NRAP: variants seen among roughly 807,000 people sequenced by gnomAD.
The protein encoded by NRAP is nebulin-related-anchoring protein.
A neutral mutation model predicts 225.9 loss-of-function variants in NRAP; 189 were observed. That is an observed-to-expected ratio of 0.84 (90% confidence interval 0.74 to 0.94). NRAP has a LOEUF of 0.94. NRAP is among the 40% of genes least tolerant of loss of function. NRAP has a pLI of 0.00. For synonymous variants in NRAP, 769 were observed against 790.7 expected (o/e 0.97, Z 0.46); for missense variants, 2,176 against 2,168.7 (o/e 1.00, Z -0.07).
chr10:113,657,208 A>G (rs1335128396), intron 4 of NRAP, among the ~76,000 whole-genome samples: 1 of 152,104 alleles, frequency 6.6e-6, no homozygotes, highest in Non-Finnish European at 1.5e-5. Flanking sequence ...GTGTCAGAGA[A>G]AGACAGGGTA....
intron 24 of NRAP, among the ~76,000 whole-genome samples, chr10:113,621,172 G>A (rs536961995): frequency 1.3e-5 from 2 of 152,120 alleles, no homozygotes; most frequent in African/African-American, 2.4e-5. Context: ...CCACCTCAGT[G>A]GGGGGGCAGG....
chr10:113,614,811 T>C (rs1309167031), intron 28 of NRAP, 28 bp downstream of exon 28: 1 of 1,351,188 alleles, frequency 7.4e-7, no homozygotes, highest in Admixed American at 1.7e-5. Context: ...TGTTGAACAT[T>C]GTCACAAGAA....
Position 113,606,247 on chromosome 10 carries a change from G to T in NRAP, c.3738C>A (p.His1246Gln), listed in dbSNP as rs79461687. Reference sequence around the variant, plus strand: ...GCAGACCCAGGGTCATTGTATACTCGTGTCTTGCATCCTCTCCAGCTGCTT... The same window carrying T: ...GCAGACCCAGGGTCATTGTATACTCTTGTCTTGCATCCTCTCCAGCTGCTT... Reference protein sequence around the residue: ...LYKAAGEDARHEYTMTLGLPE... With the variant: ...LYKAAGEDARQEYTMTLGLPE... Residue 1246 changes from histidine (H) to glutamine (Q), a missense_variant, in exon 33 of 42, where the codon CAC becomes CAA. By Grantham distance (24) the His-to-Gln change is conservative (BLOSUM62 0). Coordinates refer to ENST00000359988, the MANE Select transcript of NRAP (RefSeq NM_198060.4). 900 of 1,613,964 alleles carry T rather than the reference G, an allele frequency of 5.6e-4. 11 individuals are homozygous for T. The East Asian group carries it at 0.018, about 32-fold the overall frequency.
At chr10:113,634,352 G>A (rs1848742698) in intron 14 of NRAP, 142 bp from the exon 15 acceptor site, 1 of 637,464 alleles carries the variant, frequency 1.6e-6, no homozygotes, top group African/African-American at 1.8e-5. Flanking sequence ...GATACTGACA[G>A]ACACTCCAAG....
chr10:113,624,740 T>A (rs1053312671), intron 22 of NRAP, 86 bp downstream of exon 22: 1 of 890,212 alleles, frequency 1.1e-6, no homozygotes, highest in African/African-American at 1.6e-5. Context: ...ATACAGACAC[T>A]ATGCCATGGC....
chr10:113,621,770 C>G, intron 24 of NRAP, 99 bp downstream of exon 24: 1 of 1,112,954 alleles, frequency 9.0e-7, no homozygotes, highest in Non-Finnish European at 1.3e-6. Context: ...TGTCCCATAG[C>G]ATAAATTGTT....
intron 29 of NRAP, among the ~76,000 whole-genome samples, chr10:113,613,367 C>T (rs1847446553): frequency 6.6e-6 from 1 of 152,160 alleles, no homozygotes; most frequent in South Asian, 2.1e-4. Flanking sequence ...CCTGGCTCTG[C>T]CCCTATGTAG....
At chr10:113,614,588 G>A (rs761698804) in intron 28 of NRAP, among the ~76,000 whole-genome samples, 5 of 152,172 alleles carry the variant, frequency 3.3e-5, no homozygotes, top group Non-Finnish European at 7.4e-5. Flanking sequence ...TGAACACCTC[G>A]GTGGAGGGTG....
intron 3 of NRAP, among the ~76,000 whole-genome samples, chr10:113,659,413 C>A (rs1850522872): frequency 6.6e-6 from 1 of 152,140 alleles, no homozygotes; most frequent in Non-Finnish European, 1.5e-5. Context: ...TCCTTGAGAA[C>A]AATGTACTTT....
At chr10:113,599,091 C>T (rs1229501622) in intron 35 of NRAP, among the ~76,000 whole-genome samples, 3 of 152,198 alleles carry the variant, frequency 2.0e-5, no homozygotes, top group African/African-American at 7.2e-5. Flanking sequence ...TGGATCTAAA[C>T]GAAGTTGATG....
intron 35 of NRAP, among the ~76,000 whole-genome samples, chr10:113,602,904 G>A (rs1260661933): frequency 6.6e-6 from 1 of 152,132 alleles, no homozygotes; most frequent in African/African-American, 2.4e-5. Context: ...AGGGGCATTT[G>A]TTGTCACACT....
chr10:113,590,553 A>G, intron 40 of NRAP, 25 bp downstream of exon 40: 1 of 1,599,498 alleles, frequency 6.3e-7, no homozygotes, highest in Non-Finnish European at 8.5e-7. Flanking sequence ...GAAGGGCCTC[A>G]AGGGAGTGGG....
At chr10:113,656,033 G>A (rs1057410588) in intron 4 of NRAP, among the ~76,000 whole-genome samples, 2 of 148,512 alleles carry the variant, frequency 1.3e-5, no homozygotes, top group Non-Finnish European at 3.0e-5. Flanking sequence ...GAAAGGGGGA[G>A]GTCGAACATG....
intron 12 of NRAP, among the ~76,000 whole-genome samples, chr10:113,641,813 C>T (rs578008943): frequency 7.5e-4 from 114 of 152,236 alleles, no homozygotes; most frequent in Middle Eastern, 3.4e-3. Context: ...GAGACAGTGG[C>T]AGGCACTGAC....
At chr10:113,602,026 C>G (rs1265623878) in intron 35 of NRAP, among the ~76,000 whole-genome samples, 2 of 152,196 alleles carry the variant, frequency 1.3e-5, no homozygotes, top group Non-Finnish European at 2.9e-5. Context: ...GCTGGGACTA[C>G]AGGTGTGCAC....
intron 24 of NRAP, 106 bp from the exon 25 acceptor site, chr10:113,620,814 A>G: frequency 1.3e-6 from 1 of 757,280 alleles, no homozygotes; most frequent in Non-Finnish European, 2.3e-6. Flanking sequence ...AGCTGAGTCA[A>G]ATTAGATGCC....
chr10:113,645,274 G>A (rs541706598), intron 11 of NRAP, among the ~76,000 whole-genome samples: 62 of 152,174 alleles, frequency 4.1e-4, no homozygotes, highest in Admixed American at 1.1e-3. Flanking sequence ...AGCCCTGGGA[G>A]GATTTAGGAA....
At chr10:113,629,430 C>T (rs1424409086) in intron 19 of NRAP, among the ~76,000 whole-genome samples, 158 bp downstream of exon 19, 1 of 152,218 alleles carries the variant, frequency 6.6e-6, no homozygotes. Flanking sequence ...TATATCTCTA[C>T]CTCCCCATCT....
chr10:113,613,897 C>T (rs1315657198), intron 29 of NRAP, among the ~76,000 whole-genome samples: 2 of 152,084 alleles, frequency 1.3e-5, no homozygotes, highest in African/African-American at 4.8e-5. Context: ...CCCTGGAGGC[C>T]AAATCCAGCC....
Sources: gnomAD v4.1 joint callset for allele counts (sites outside exome capture counted in the v4.1 genomes callset) on GRCh38, gnomAD v4.1.1 for gene constraint, MANE v1.5 for transcripts, NCBI Gene and HGNC (gene_info 2026-07-23, HGNC 2026-07-21) for gene names.